CATSPERT: variants seen among roughly 807,000 people sequenced by gnomAD.
CATSPERT encodes the protein cation channel sperm-associated targeting subunit tau.
chr2:201,617,226 C>A, the CATSPERT span, among the ~76,000 whole-genome samples: 6 of 152,064 alleles, frequency 3.9e-5, no homozygotes, highest in Non-Finnish European at 8.8e-5. Context: ...TCATATGGAA[C>A]CAAAAAAGAG....
the CATSPERT span, chr2:201,582,315 T>C: frequency 2.5e-5 from 29 of 1,175,662 alleles, no homozygotes; most frequent in African/African-American, 4.8e-5. Context: ...TATGCAAATA[T>C]TATTATGCAA....
the CATSPERT span, among the ~76,000 whole-genome samples, chr2:201,530,374 G>A: frequency 6.6e-6 from 1 of 152,136 alleles, no homozygotes; most frequent in Non-Finnish European, 1.5e-5. Context: ...CAGATCAATG[G>A]ATAAAGAAAA....
the CATSPERT span, among the ~76,000 whole-genome samples, chr2:201,598,792 G>C: frequency 0.87 from 132,570 of 152,100 alleles, 58,926 homozygotes; most frequent in South Asian, 0.98. Flanking sequence ...TGTTAATCAG[G>C]CTGGTCTCGA....
chr2:201,597,294 T>A, the CATSPERT span, among the ~76,000 whole-genome samples: 1 of 152,206 alleles, frequency 6.6e-6, no homozygotes, highest in Non-Finnish European at 1.5e-5. Flanking sequence ...TCTAGTCAGC[T>A]CTCAGCCCTC....
chr2:201,515,099 A>G, the CATSPERT span, among the ~76,000 whole-genome samples: 1 of 151,700 alleles, frequency 6.6e-6, no homozygotes, highest in South Asian at 2.1e-4. Context: ...AGTGAAGTAC[A>G]TATGGTCTTT....
At chr2:201,603,520 G>T in the CATSPERT span, among the ~76,000 whole-genome samples, 2 of 152,094 alleles carry the variant, frequency 1.3e-5, no homozygotes, top group Non-Finnish European at 2.9e-5. Flanking sequence ...CAAAGCCAAA[G>T]AATAATAATT....
the CATSPERT span, among the ~76,000 whole-genome samples, chr2:201,520,609 C>T: frequency 6.6e-6 from 1 of 152,300 alleles, no homozygotes; most frequent in South Asian, 2.1e-4. Flanking sequence ...CATTGAGGGT[C>T]AGGTGCGGTA....
the CATSPERT span, chr2:201,545,629 CAAAA>C: frequency 0.043 from 6,602 of 154,406 alleles, no homozygotes; most frequent in East Asian, 0.08. Flanking sequence ...TTCCTAGAAG[CAAAA>C]AAAAAAAAAA....
At chr2:201,548,167 AT>A in the CATSPERT span, among the ~76,000 whole-genome samples, 1 of 152,078 alleles carries the variant, frequency 6.6e-6, no homozygotes, top group Non-Finnish European at 1.5e-5. Flanking sequence ...CATCATTTAC[AT>A]TAAGTATTTC....
At chr2:201,568,358 G>A in the CATSPERT span, among the ~76,000 whole-genome samples, 1 of 152,142 alleles carries the variant, frequency 6.6e-6, no homozygotes, top group African/African-American at 2.4e-5. Flanking sequence ...TTGTAATGTA[G>A]GGCTAGAAAG....
chr2:201,565,123 G>A, the CATSPERT span, among the ~76,000 whole-genome samples: 1 of 151,552 alleles, frequency 6.6e-6, no homozygotes, highest in South Asian at 2.1e-4. Context: ...AAAAAAGCAC[G>A]AGACCTACGA....
At chr2:201,534,584 C>T in the CATSPERT span, 1 of 983,344 alleles carries the variant, frequency 1.0e-6, no homozygotes, top group Middle Eastern at 5.2e-4. Context: ...TCTGTCTACT[C>T]ATAGCAGGGA....
the CATSPERT span, among the ~76,000 whole-genome samples, chr2:201,618,654 C>T: frequency 1.3e-5 from 2 of 151,154 alleles, no homozygotes; most frequent in African/African-American, 2.4e-5. Context: ...CACATGTATA[C>T]CTATGTAACA....
At chr2:201,524,498 T>G in the CATSPERT span, among the ~76,000 whole-genome samples, 1 of 152,106 alleles carries the variant, frequency 6.6e-6, no homozygotes, top group African/African-American at 2.4e-5. Flanking sequence ...GAAAAAAGAC[T>G]CACTAGTCAC....
the CATSPERT span, among the ~76,000 whole-genome samples, chr2:201,540,580 T>C: frequency 6.6e-6 from 1 of 152,226 alleles, no homozygotes; most frequent in African/African-American, 2.4e-5. Flanking sequence ...GTTTGCAGCA[T>C]GGTTTACTGA....
At chr2:201,578,126 T>C in the CATSPERT span, among the ~76,000 whole-genome samples, 1 of 152,164 alleles carries the variant, frequency 6.6e-6, no homozygotes, top group African/African-American at 2.4e-5. Context: ...ATACTACATT[T>C]AGAAATATAA....
At chr2:201,493,048 A>C in the CATSPERT span, 24 of 1,536,272 alleles carry the variant, frequency 1.6e-5, no homozygotes, top group South Asian at 1.2e-4. Context: ...AGGTTGAATT[A>C]GTCTTTCTAA....
the CATSPERT span, among the ~76,000 whole-genome samples, chr2:201,506,833 G>T: frequency 6.6e-6 from 1 of 152,216 alleles, no homozygotes; most frequent in East Asian, 1.9e-4. Context: ...GATTACAGGC[G>T]TGAGCCACCG....
chr2:201,497,608 G>C, the CATSPERT span, among the ~76,000 whole-genome samples: 231 of 152,256 alleles, frequency 1.5e-3, 1 homozygote, highest in African/African-American at 5.3e-3. Context: ...GTTTTCACAC[G>C]AAAGTAGCTC....
Sources: allele counts gnomAD v4.1 joint callset (sites outside exome capture counted in the v4.1 genomes callset), GRCh38; gene constraint gnomAD v4.1.1; transcripts MANE v1.5; gene names NCBI Gene and HGNC (gene_info 2026-07-23, HGNC 2026-07-21).